Variants in SEC24D observed in about 807,000 individuals in gnomAD.
The protein encoded by SEC24D is protein transport protein Sec24D.
SEC24D carries 69 observed loss-of-function variants against 116.9 expected under a neutral mutation model. The observed-to-expected ratio is 0.59, with a 90% CI of 0.49 to 0.72. The LOEUF (loss-of-function observed/expected upper bound fraction) is 0.72, where lower values mean the gene tolerates loss of function less well. SEC24D is among the 30% of genes least tolerant of loss of function. The probability of loss-of-function intolerance (pLI) is 0.00; values close to 1 mark genes in which losing one functional copy is unlikely to be tolerated. For missense variants in SEC24D, 1,131 were observed against 1,264.1 expected (o/e 0.89, Z 1.60); for synonymous variants, 405 against 442.8 (o/e 0.91, Z 1.07).
At chr4:118,734,343 C>T (rs1295179048) in intron 19 of SEC24D, among the ~76,000 whole-genome samples, 3 of 151,448 alleles carry the variant, frequency 2.0e-5, no homozygotes, top group Admixed American at 1.3e-4. Flanking sequence ...CTCCTGAGTA[C>T]CTGGGATTAC....
chr4:118,781,686 C>A (rs1473810908), intron 8 of SEC24D, among the ~76,000 whole-genome samples: 1 of 152,156 alleles, frequency 6.6e-6, no homozygotes, highest in Non-Finnish European at 1.5e-5. Context: ...AGAGTGTTTT[C>A]CAACTTGGTT....
intron 2 of SEC24D, chr4:118,825,475 A>AG (rs1449216754): frequency 2.3e-6 from 1 of 442,770 alleles, no homozygotes; most frequent in East Asian, 7.0e-5. Context: ...GTCTTCAGAC[A>AG]TTTCTCTCTT....
At chr4:118,747,443 T>G (rs563556375) in intron 13 of SEC24D, among the ~76,000 whole-genome samples, 1 of 152,100 alleles carries the variant, frequency 6.6e-6, no homozygotes, top group South Asian at 2.1e-4. Flanking sequence ...TTTTTGTATT[T>G]TTAGTAGAGA....
chr4:118,735,817 C>T (rs1725929219), intron 19 of SEC24D: 1 of 151,820 alleles, frequency 6.6e-6, no homozygotes, highest in Admixed American at 6.6e-5. Flanking sequence ...CCTCAGCCTC[C>T]TGAGTGGCTG....
intron 18 of SEC24D, 40 bp downstream of exon 18, chr4:118,739,109 A>G (rs1172399415): frequency 6.2e-7 from 1 of 1,607,680 alleles, no homozygotes; most frequent in South Asian, 1.1e-5. Flanking sequence ...CTGAATTACT[A>G]AGCAAGGTTT....
chr4:118,739,327 A>C (rs1450527228), intron 17 of SEC24D, 40 bp from the exon 18 acceptor site: 1 of 1,591,048 alleles, frequency 6.3e-7, no homozygotes, highest in East Asian at 2.2e-5. Context: ...TTTCTGATTA[A>C]CATATCCACC....
At chr4:118,781,511 GCC>G (rs1184321950) in intron 8 of SEC24D, among the ~76,000 whole-genome samples, 3 of 152,278 alleles carry the variant, frequency 2.0e-5, no homozygotes, top group African/African-American at 7.2e-5. Context: ...CTCTCTGGCT[GCC>G]CTTAACATTT....
intron 22 of SEC24D, among the ~76,000 whole-genome samples, chr4:118,725,249 TGGA>T (rs1725348413): frequency 6.6e-6 from 1 of 152,230 alleles, no homozygotes; most frequent in African/African-American, 2.4e-5. Flanking sequence ...GAGTTGGCAC[TGGA>T]ATAGCTGTGT....
At chr4:118,745,979 C>T (rs1185195646) in intron 13 of SEC24D, among the ~76,000 whole-genome samples, 1 of 151,972 alleles carries the variant, frequency 6.6e-6, no homozygotes, top group Non-Finnish European at 1.5e-5. Flanking sequence ...AGTTTGAGAC[C>T]AGCCCAGGCA....
chr4:118,765,176 T>C (rs1727586037), intron 9 of SEC24D, among the ~76,000 whole-genome samples: 1 of 152,218 alleles, frequency 6.6e-6, no homozygotes, highest in Non-Finnish European at 1.5e-5. Flanking sequence ...TATAAAAGTA[T>C]TGGTGTTTTT....
At chr4:118,737,108 A>C (rs1726000050) in intron 19 of SEC24D, among the ~76,000 whole-genome samples, 1 of 152,250 alleles carries the variant, frequency 6.6e-6, no homozygotes, top group Non-Finnish European at 1.5e-5. Flanking sequence ...GCTCTAAGAC[A>C]AATAGTAAAA....
At chr4:118,795,013 C>T (rs1443885244) in intron 8 of SEC24D, among the ~76,000 whole-genome samples, 1 of 151,678 alleles carries the variant, frequency 6.6e-6, no homozygotes, top group Non-Finnish European at 1.5e-5. Flanking sequence ...GAAGGAATCA[C>T]AAAGAACAGG....
At chr4:118,752,185 T>C (rs1578399550) in intron 12 of SEC24D, 96 bp from the exon 13 acceptor site, 2 of 793,516 alleles carry the variant, frequency 2.5e-6, no homozygotes, top group Non-Finnish European at 2.1e-6. Flanking sequence ...TAAACACATA[T>C]GGTATTTATT....
chr4:118,764,957 A>G (rs1727571889), intron 9 of SEC24D, 40 bp from the exon 10 acceptor site: 4 of 1,118,738 alleles, frequency 3.6e-6, no homozygotes, highest in African/African-American at 1.5e-5. Flanking sequence ...TTTTGTTTTC[A>G]TAAACACAGA....
At chr4:118,817,191 T>C in intron 4 of SEC24D, 73 bp downstream of exon 4, 1 of 1,283,266 alleles carries the variant, frequency 7.8e-7, no homozygotes, top group Non-Finnish European at 1.1e-6. Flanking sequence ...ATTTTAAAAA[T>C]GAAGAAAACC....
At chr4:118,831,673 A>G (rs1048715133) in intron 2 of SEC24D, among the ~76,000 whole-genome samples, 5 of 151,626 alleles carry the variant, frequency 3.3e-5, no homozygotes, top group African/African-American at 1.2e-4. Flanking sequence ...GCCCATGACA[A>G]TTCTTCTCCC....
At position 118,723,359 on chromosome 4, in the gene SEC24D, G is replaced by C. The variant is rs1010280635; in HGVS notation, c.*156C>G. On this transcript the variant is annotated 3_prime_UTR_variant, in exon 23 of 23. Transcript: ENST00000280551. Reference sequence around the variant, plus strand: ...GTACCTTAATTGGCTTTATACCTGAGCACCAAAGCTGAAGTTCTAAATGCC... The same window carrying C: ...GTACCTTAATTGGCTTTATACCTGACCACCAAAGCTGAAGTTCTAAATGCC... 1.5e-6 allele frequency: 1 copy of C among 664,504 alleles called. No individual in the cohort carries two copies. Among genetic ancestry groups the C allele is most frequent in the Admixed American group, 3.1e-5 (1 of 32,386 alleles). 41.2% of individuals were successfully genotyped at this position (664,504 alleles called of 1,614,324 possible).
intron 10 of SEC24D, 71 bp from the exon 11 acceptor site, chr4:118,757,916 A>G: frequency 1.6e-6 from 2 of 1,253,614 alleles, no homozygotes; most frequent in South Asian, 3.1e-5. Context: ...TACTCATTAG[A>G]AACTCTTGAA....
chr4:118,731,162 T>C, intron 21 of SEC24D, 154 bp downstream of exon 21: 1 of 663,726 alleles, frequency 1.5e-6, no homozygotes, highest in Non-Finnish European at 2.6e-6. Context: ...TACCAGCTAA[T>C]TGATATTGAT....
Sources: gnomAD v4.1 joint callset for allele counts (sites outside exome capture counted in the v4.1 genomes callset) on GRCh38, gnomAD v4.1.1 for gene constraint, MANE v1.5 for transcripts, NCBI Gene and HGNC (gene_info 2026-07-23, HGNC 2026-07-21) for gene names.